The following CGN variants were observed in gnomAD, a reference collection of about 807,000 sequenced individuals.
CGN encodes cingulin.
CGN carries 121 observed loss-of-function variants against 157.1 expected under a neutral mutation model. The observed-to-expected ratio is 0.77, with a 90% CI of 0.66 to 0.90. CGN has a LOEUF of 0.90. Among genes scored for constraint, CGN ranks in the 40% least tolerant of loss-of-function variants. The pLI is 0.00. For missense variants in CGN, 1,424 were observed against 1,520.9 expected, an observed-to-expected ratio of 0.94 and a Z score of 1.06; for synonymous variants, 535 against 607.5, an observed-to-expected ratio of 0.88 and a Z score of 1.76.
intron 9 of CGN, among the ~76,000 whole-genome samples, 187 bp downstream of exon 9, chr1:151,525,977 A>T (rs1178849169): frequency 6.6e-6 from 1 of 151,926 alleles, no homozygotes; most frequent in African/African-American, 2.4e-5. Context: ...AGTTGAACAG[A>T]TTCTCCTGCC....
chr1:151,529,609 G>A (rs1193695805), intron 11 of CGN, 50 bp downstream of exon 11: 2 of 1,506,956 alleles, frequency 1.3e-6, no homozygotes, highest in Admixed American at 1.8e-5. Context: ...AGGGTGTCTG[G>A]AGGGCTGAGG....
intron 5 of CGN, among the ~76,000 whole-genome samples, chr1:151,523,118 A>G (rs1212898604): frequency 6.6e-6 from 1 of 152,148 alleles, no homozygotes; most frequent in East Asian, 1.9e-4. Flanking sequence ...ATGACCTAAC[A>G]TCAGAATTTA....
intron 10 of CGN, among the ~76,000 whole-genome samples, chr1:151,528,888 T>G (rs549035541): frequency 5.3e-5 from 8 of 152,344 alleles, no homozygotes; most frequent in Admixed American, 2.6e-4. Flanking sequence ...TTAATATAAT[T>G]GAATCCTATA....
chr1:151,520,409 T>C lies in CGN; in HGVS notation c.975-5T>C, dbSNP rs750770104. ...AACCCTTGCTTCTATCCTTTTATCCTCTAGAAGCTCAGAAAGTGAAACCTC... is the reference window on the plus strand; with the variant it reads ...AACCCTTGCTTCTATCCTTTTATCCCCTAGAAGCTCAGAAAGTGAAACCTC... On this transcript the variant is annotated splice_region_variant and splice_polypyrimidine_tract_variant and intron_variant, in intron 3 of 20. Transcript: ENST00000271636. 6.2e-7 allele frequency: 1 copy of C among 1,613,338 alleles called. No individual in the cohort carries two copies. Among genetic ancestry groups the C allele is most frequent in the South Asian group, 1.1e-5 (1 of 91,068 alleles).
At chr1:151,528,754 CTATT>C (rs1470301567) in intron 10 of CGN, among the ~76,000 whole-genome samples, 2 of 152,086 alleles carry the variant, frequency 1.3e-5, no homozygotes, top group African/African-American at 4.8e-5. Flanking sequence ...ACCATCATCA[CTATT>C]TAATTACAGA....
rs1664996715 is a variant in CGN at position 151,537,497 on chromosome 1, A to AG, written c.*151_*152insG. 3.5e-6 allele frequency: 2 copies of AG among 573,750 alleles called. No individual in the cohort carries two copies. 35.5% of individuals were successfully genotyped at this position (573,750 alleles called of 1,614,324 possible). ...GGGTCAGAGTGATGGTGATAAAAAA[A>AG]AAAAATCATCAGCAATAAGCTGATA... On this transcript the variant is annotated 3_prime_UTR_variant, in exon 21 of 21. Coordinates refer to ENST00000271636, the MANE Select transcript of CGN (RefSeq NM_020770.3).
Position 151,525,798 on chromosome 1 carries a change from C to T in CGN, c.1763+8C>T, listed in dbSNP as rs1664663617. On this transcript the variant is annotated splice_region_variant and intron_variant, in intron 9 of 20. Transcript: ENST00000271636. ...TAGAGCCACCAAGCAGGAGTAAGGA[C>T]ATTGGCCCTCTCAGAAATACCCATG... is the stretch of plus-strand genomic sequence containing the variant. The T allele has an allele frequency of 2.0e-6, 3 of 1,522,896 alleles. No individual in the cohort carries two copies. Among genetic ancestry groups the T allele is most frequent in the Non-Finnish European group, 2.6e-6 (3 of 1,135,220 alleles). 94.3% of individuals were successfully genotyped at this position (1,522,896 alleles called of 1,614,324 possible).
At position 151,524,496 on chromosome 1, in the gene CGN, C is replaced by A; in HGVS notation, c.1401+138C>A. ...TACTCAGTGTGCTTTCAGGTAGATT[C>A]AATGGTGTGTTGGGACTAGAGTTAG... On this transcript the variant is annotated intron_variant, in intron 7 of 20. Coordinates refer to ENST00000271636, the MANE Select transcript of CGN (RefSeq NM_020770.3). This position sits in a 1 kb window ranked among gnomAD's most constrained non-coding sequence, Gnocchi z 4.4. 7.3e-7 allele frequency: 1 copy of A among 1,363,730 alleles called. No individual in the cohort carries two copies. The highest frequency in any genetic ancestry group is 1.3e-5 in the South Asian group (1 of 75,826). The allele number at this position is 1,363,730 out of a possible 1,614,324, so 84.5% of individuals were successfully genotyped here.
In CGN at chr1:151,529,942, C is replaced by G. The variant is rs761553529; in HGVS notation, c.2140C>G (p.Leu714Val). Residue 714 changes from leucine to valine, a missense_variant, in exon 12 of 21, where the codon CTG (leucine) becomes GTG (valine). This residue lies in a region of CGN where 1,187 missense variants were observed against 1,217.6 expected (regional missense o/e 0.97). Coordinates refer to ENST00000271636, the MANE Select transcript of CGN (RefSeq NM_020770.3). Reference sequence around the variant, plus strand: ...GGTGGCCGAGGCAGAGGCAACAGTGCTGGGGCAGCGGCGGGCCGCAGTGGA... The same window carrying G: ...GGTGGCCGAGGCAGAGGCAACAGTGGTGGGGCAGCGGCGGGCCGCAGTGGA... Reference protein sequence around the residue: ...KMVAEAEATVLGQRRAAVETT... With the variant: ...KMVAEAEATVVGQRRAAVETT... 8.7e-6 allele frequency: 14 copies of G among 1,613,994 alleles called. No individual in the cohort carries two copies. The highest frequency in any genetic ancestry group is 3.3e-5 in the Admixed American group (2 of 60,004).
At position 151,518,055 on chromosome 1, in the gene CGN, C is replaced by T. The variant is rs186996170; in HGVS notation, c.-14-451C>T. Among the ~76,000 whole-genome samples the T allele has an allele frequency of 7.2e-5, 11 of 152,196 alleles. No individual in the cohort carries two copies. In the East Asian group the frequency reaches 7.7e-4, roughly 11 times the overall value. ...AGAGATGGGGTTTCACCATGTTGCC[C>T]GGACTGGTCTTGAACTCCTGAGCTC... On this transcript the variant is annotated intron_variant, in intron 1 of 20. Coordinates refer to ENST00000271636, the MANE Select transcript of CGN (RefSeq NM_020770.3).
chr1:151,516,374 A>G (rs1394491453), intron 1 of CGN, among the ~76,000 whole-genome samples: 1 of 152,058 alleles, frequency 6.6e-6, no homozygotes, highest in African/African-American at 2.4e-5. Flanking sequence ...TTTGCTTGGA[A>G]GACAATCTCT....
Position 151,524,222 on chromosome 1 carries a change from T to C in CGN, c.1269-4T>C. On this transcript the variant is annotated splice_region_variant and splice_polypyrimidine_tract_variant and intron_variant, in intron 6 of 20. Transcript: ENST00000271636. The surrounding 1 kb of genome is among the most constrained non-coding windows in gnomAD (Gnocchi z 4.4). ...TAGTGTGCAATAATGTTATCTATTATTAGGCTCCAGAACATGAAGCGCCTC... is the reference window on the plus strand; with the variant it reads ...TAGTGTGCAATAATGTTATCTATTACTAGGCTCCAGAACATGAAGCGCCTC... The C allele has an allele frequency of 2.5e-6, 4 of 1,612,242 alleles. No individual in the cohort carries two copies. The highest frequency in any genetic ancestry group is 3.4e-6 in the Non-Finnish European group (4 of 1,179,044).
Position 151,536,810 on chromosome 1 carries a change from G to A in CGN, c.3387G>A (p.Lys1129=), listed in dbSNP as rs1664979072. The A allele has an allele frequency of 6.2e-7, 1 of 1,614,058 alleles. No homozygotes were observed. The highest frequency in any genetic ancestry group is 1.3e-5 in the African/African-American group (1 of 74,930). ...TTGAGCGACTGGACGGCCTGAGGAA[G>A]AAGGCCCAGCGTGAGGTGGAGGAGC... ...EEIERLDGLR[K]KAQREVEEQH... is the part of the protein sequence containing the mutation. Residue 1129 remains lysine (K), a synonymous_variant, in exon 20 of 21, where the codon AAG becomes AAA. Transcript: ENST00000271636.
At chr1:151,529,323 CCCATCA>C (rs1476435968) in intron 10 of CGN, 21 bp from the exon 11 acceptor site, 1 of 1,598,384 alleles carries the variant, frequency 6.3e-7, no homozygotes, top group Admixed American at 1.7e-5. Context: ...CTCTGGGTGC[CCCATCA>C]CCATTCCCGT....
intron 1 of CGN, among the ~76,000 whole-genome samples, chr1:151,517,832 T>G (rs1664446604): frequency 6.6e-6 from 1 of 151,080 alleles, no homozygotes; most frequent in Admixed American, 6.6e-5. Context: ...ATTATATGTA[T>G]GTATGAAGAT....
At position 151,520,414 on chromosome 1, in the gene CGN, A is replaced by T; in HGVS notation, c.975A>T (p.Gly325=). 1 of 1,613,790 alleles carries T rather than the reference A, an allele frequency of 6.2e-7. No individual in the cohort carries two copies. ...TTGCTTCTATCCTTTTATCCTCTAG[A>T]AGCTCAGAAAGTGAAACCTCTGTGA... ...KATIYGILRE[G]SSESETSVRR... Residue 325 remains glycine, a splice_region_variant and synonymous_variant, in exon 4 of 21, where the codon GGA becomes GGT. Coordinates refer to ENST00000271636, the MANE Select transcript of CGN (RefSeq NM_020770.3).
At position 151,525,654 on chromosome 1, in the gene CGN, C is replaced by A. The variant is rs762699521; in HGVS notation, c.1627C>A (p.Leu543Met). 1 of 1,604,008 alleles carries A rather than the reference C, an allele frequency of 6.2e-7. No individual in the cohort carries two copies. The highest frequency in any genetic ancestry group is 1.7e-4 in the Middle Eastern group (1 of 5,974). ...TCCCCTTCTCTAGGACCATGCAGTG[C>A]TGGAGGCCGAGAGGCAGAAGATGTC... ...MQDATQDHAVLEAERQKMSAL... is the reference protein window; with the variant it reads ...MQDATQDHAVMEAERQKMSAL... The change falls in exon 9 of 21, where the codon CTG (leucine) becomes ATG (methionine). Residue 543 changes from leucine to methionine, a missense_variant. Leu to Met is a conservative substitution (Grantham distance 15). Transcript: ENST00000271636.
At chr1:151,528,188 C>T (rs184338562) in intron 10 of CGN, among the ~76,000 whole-genome samples, 2 of 151,276 alleles carry the variant, frequency 1.3e-5, no homozygotes, top group African/African-American at 2.4e-5. Context: ...ATGGTTTCAC[C>T]GTGTTAACCA....
Position 151,534,879 on chromosome 1 carries a change from C to T in CGN, c.2905-163C>T, listed in dbSNP as rs142428767. The T allele has an allele frequency of 1.4e-4, 85 of 613,748 alleles. No homozygotes were observed. In the East Asian group the frequency reaches 2.0e-3, roughly 15 times the overall value. The allele number at this position is 613,748 out of a possible 1,614,324, so 38.0% of individuals were successfully genotyped here. A position where few individuals can be genotyped will look rare whatever the true frequency, so the allele number is the denominator to read the frequency against. ...GATGCCACATCTGGTCAGTAGAGGG[C>T]GCTGGCTCCATAGTGGCTCTGGGTC... On this transcript the variant is annotated intron_variant, in intron 15 of 20. Transcript: ENST00000271636.
Sources: allele counts gnomAD v4.1 joint callset (sites outside exome capture counted in the v4.1 genomes callset), GRCh38; gene constraint gnomAD v4.1.1; regional missense constraint gnomAD v4.1.1; non-coding constraint Gnocchi (gnomAD v3.1); transcripts MANE v1.5; gene names NCBI Gene and HGNC (gene_info 2026-07-23, HGNC 2026-07-21).